CTNND2: variants seen among roughly 807,000 people sequenced by gnomAD.
CTNND2 encodes the protein catenin delta-2.
CTNND2 carries 22 observed loss-of-function variants against 144.4 expected under a neutral mutation model. The observed-to-expected ratio is 0.15, with a 90% CI of 0.11 to 0.22. CTNND2 has a LOEUF of 0.22. Ranked by LOEUF, CTNND2 falls within the 10% of genes least tolerant of loss-of-function variation. The pLI is 1.00. For missense variants in CTNND2, 1,353 were observed against 1,618.8 expected, an observed-to-expected ratio of 0.84 and a Z score of 2.82; for synonymous variants, 751 against 695.6, an observed-to-expected ratio of 1.08 and a Z score of -1.25.
chr5:11,017,928 C>T, intron 18 of CTNND2, 46 bp downstream of exon 18: 1 of 1,469,748 alleles, frequency 6.8e-7, no homozygotes, highest in Non-Finnish European at 9.5e-7. Context: ...TCTCAGGGTC[C>T]CGTGTTGAGT....
At chr5:11,558,364 GTGTGTGTGTGTGTGTGTGAC>G (rs1383899127) in intron 3 of CTNND2, among the ~76,000 whole-genome samples, 8 of 103,220 alleles carry the variant, frequency 7.8e-5, no homozygotes, top group Admixed American at 5.1e-4. Flanking sequence ...GTGTGTGTGT[GTGTGTGTGTGTGTGTGTGAC>G]ACACAAGGTC....
At chr5:11,240,294 C>CACACCCAACACACAT (rs755079980) in intron 9 of CTNND2, among the ~76,000 whole-genome samples, 8 of 120,818 alleles carry the variant, frequency 6.6e-5, no homozygotes, top group Non-Finnish European at 1.4e-4. Context: ...CACTCAAACA[C>CACACCCAACACACAT]ACACCCAACA....
chr5:11,636,036 C>T (rs917526890), intron 2 of CTNND2, among the ~76,000 whole-genome samples: 2 of 150,138 alleles, frequency 1.3e-5, no homozygotes, highest in African/African-American at 4.9e-5. Flanking sequence ...CCCCCCCCAC[C>T]CCCGCCACAC....
rs374873999 is a variant in CTNND2, at chr5:11,369,973, C to T, written c.1178-5083G>A. Among the ~76,000 whole-genome samples, 3 of 152,286 alleles carry T rather than the reference C, an allele frequency of 2.0e-5. No individual in the cohort carries two copies. The East Asian group carries it at 5.8e-4, about 29-fold the overall frequency. Reference sequence around the variant, plus strand: ...TTTATGTGTACTGAAACCACATCATCTTTAAAAGAAATACCAGTAAGTATA... The same window carrying T: ...TTTATGTGTACTGAAACCACATCATTTTTAAAAGAAATACCAGTAAGTATA... On this transcript the variant is annotated intron_variant, in intron 7 of 21. Coordinates refer to ENST00000304623, the MANE Select transcript of CTNND2 (RefSeq NM_001332.4).
At chr5:11,626,993 G>C (rs1477699084) in intron 2 of CTNND2, among the ~76,000 whole-genome samples, 2 of 152,156 alleles carry the variant, frequency 1.3e-5, no homozygotes, top group Non-Finnish European at 2.9e-5. Flanking sequence ...CGCCTGCCAG[G>C]TAGAGGATAG....
At chr5:11,879,335 A>ATG (rs141467104) in intron 1 of CTNND2, among the ~76,000 whole-genome samples, 623 of 55,216 alleles carry the variant, frequency 0.011, 18 homozygotes, top group Middle Eastern at 0.019. Context: ...AAAAAATTAA[A>ATG]TGTGTGTATA....
Position 11,575,928 on chromosome 5 carries a change from AC to A in CTNND2, c.175-10873del, listed in dbSNP as rs372840219. On this transcript the variant is annotated intron_variant, in intron 2 of 21. Transcript: ENST00000304623. Reference sequence around the variant, plus strand: ...ACTAGTTCTTGGTGTTTATCCACTGACATTCATTCCCAAAACCAAGAGGTTC... The same window carrying A: ...ACTAGTTCTTGGTGTTTATCCACTGAATTCATTCCCAAAACCAAGAGGTTC... Among the ~76,000 whole-genome samples, 44 of 152,252 alleles carry A rather than the reference AC, an allele frequency of 2.9e-4. No individual in the cohort carries two copies. The East Asian group carries it at 7.9e-3, about 27-fold the overall frequency.
At chr5:11,707,355 C>G (rs1026900812) in intron 2 of CTNND2, among the ~76,000 whole-genome samples, 3 of 152,180 alleles carry the variant, frequency 2.0e-5, no homozygotes, top group African/African-American at 7.2e-5. Context: ...TGCACACAGA[C>G]CTAATGATTT....
intron 5 of CTNND2, among the ~76,000 whole-genome samples, chr5:11,398,957 C>T (rs1760386909): frequency 6.6e-6 from 1 of 152,104 alleles, no homozygotes; most frequent in Admixed American, 6.5e-5. Flanking sequence ...TATGGGAGAG[C>T]CTCTGGAGGT....
At chr5:11,473,102 C>T (rs1476217155) in intron 3 of CTNND2, among the ~76,000 whole-genome samples, 2 of 152,158 alleles carry the variant, frequency 1.3e-5, no homozygotes, top group African/African-American at 2.4e-5. Context: ...AAATTAGTGA[C>T]AGGTCCAAAT....
At chr5:11,484,453 G>A (rs1444803491) in intron 3 of CTNND2, among the ~76,000 whole-genome samples, 1 of 152,086 alleles carries the variant, frequency 6.6e-6, no homozygotes, top group South Asian at 2.1e-4. Flanking sequence ...TCACATAAAT[G>A]TGCTGCATCC....
chr5:11,095,284 T>C (rs978770292), intron 15 of CTNND2, among the ~76,000 whole-genome samples: 1 of 152,198 alleles, frequency 6.6e-6, no homozygotes, highest in African/African-American at 2.4e-5. Flanking sequence ...CTCTGCAACC[T>C]GCAAAACATT....
chr5:11,539,906 C>T (rs868262211), intron 3 of CTNND2, among the ~76,000 whole-genome samples: 1 of 152,010 alleles, frequency 6.6e-6, no homozygotes, highest in Non-Finnish European at 1.5e-5. Flanking sequence ...TGGTGGTGGG[C>T]GTCTGTAATC....
chr5:11,189,038 G>A (rs1274619432), intron 11 of CTNND2, among the ~76,000 whole-genome samples: 1 of 152,150 alleles, frequency 6.6e-6, no homozygotes, highest in Non-Finnish European at 1.5e-5. Flanking sequence ...AGCGTTAGGA[G>A]GGCAGGTCTA....
At chr5:11,491,635 CTACTTCTACAAAGGAA>C (rs1352272360) in intron 3 of CTNND2, among the ~76,000 whole-genome samples, 2 of 152,296 alleles carry the variant, frequency 1.3e-5, no homozygotes, top group East Asian at 3.9e-4. Flanking sequence ...ATGTCAAATT[CTACTTCTACAAAGGAA>C]GTTCTGGAAT....
intron 2 of CTNND2, among the ~76,000 whole-genome samples, chr5:11,620,071 TTAAA>T (rs1215163894): frequency 2.6e-5 from 4 of 152,238 alleles, no homozygotes; most frequent in Non-Finnish European, 4.4e-5. Flanking sequence ...AATATAAATC[TTAAA>T]TAAAAACTTT....
At chr5:11,674,888 G>T (rs1168518088) in intron 2 of CTNND2, among the ~76,000 whole-genome samples, 1 of 152,082 alleles carries the variant, frequency 6.6e-6, no homozygotes, top group Non-Finnish European at 1.5e-5. Flanking sequence ...ACCATGCCTG[G>T]CTAATTTTTG....
intron 11 of CTNND2, among the ~76,000 whole-genome samples, chr5:11,167,868 CT>C (rs762392790): frequency 1.9e-3 from 251 of 128,976 alleles, no homozygotes; most frequent in East Asian, 5.2e-3. Context: ...CCATACCTGA[CT>C]TTTTTTTTTT....
chr5:11,604,800 A>G (rs1268535547), intron 2 of CTNND2, among the ~76,000 whole-genome samples: 5 of 152,178 alleles, frequency 3.3e-5, no homozygotes, highest in Non-Finnish European at 7.3e-5. Flanking sequence ...TACCAAGTAC[A>G]TCAGTGGAGG....
Sources: gnomAD v4.1 joint callset for allele counts (sites outside exome capture counted in the v4.1 genomes callset) on GRCh38, gnomAD v4.1.1 for gene constraint, MANE v1.5 for transcripts, NCBI Gene and HGNC (gene_info 2026-07-23, HGNC 2026-07-21) for gene names.